Variants in GMEB2 observed in about 807,000 individuals in gnomAD.
GMEB2 encodes the protein glucocorticoid modulatory element-binding protein 2.
GMEB2 carries 7 observed loss-of-function variants against 45.7 expected under a neutral mutation model. The observed-to-expected ratio is 0.15, with a 90% CI of 0.09 to 0.29. The LOEUF is 0.29. Among genes scored for constraint, GMEB2 ranks in the 10% least tolerant of loss-of-function variants. GMEB2 has a pLI of 1.00. For missense variants in GMEB2, 582 were observed against 739.2 expected, an observed-to-expected ratio of 0.79 and a Z score of 2.47; for synonymous variants, 322 against 323.6, an observed-to-expected ratio of 1.00 and a Z score of 0.05.
At chr20:63,603,701 C>T (rs1003433608) in intron 3 of GMEB2, among the ~76,000 whole-genome samples, 1 of 151,696 alleles carries the variant, frequency 6.6e-6, no homozygotes, top group African/African-American at 2.4e-5. Flanking sequence ...GAGATCGCGC[C>T]ACCGCACTCC....
chr20:63,607,293 C>A (rs535656816), intron 2 of GMEB2, among the ~76,000 whole-genome samples: 1 of 133,848 alleles, frequency 7.5e-6, no homozygotes, highest in Non-Finnish European at 1.6e-5. Context: ...AGAAACATGC[C>A]CCTCTGACCC....
chr20:63,602,488 T>G (rs2083248949), intron 4 of GMEB2, among the ~76,000 whole-genome samples: 1 of 152,210 alleles, frequency 6.6e-6, no homozygotes, highest in South Asian at 2.1e-4. Context: ...GCCTCTCAAT[T>G]CTGTCACCAT....
Position 63,588,834 on chromosome 20 carries a change from A to G in GMEB2, c.*1255T>C. ...AGGCCTGGGCTGGCTGCTCCCTGAG[A>G]TGCCTGCCCCAGGACCCTGGCCTGG... On this transcript the variant is annotated 3_prime_UTR_variant, in exon 10 of 10. Coordinates refer to ENST00000370077, the MANE Select transcript of GMEB2 (RefSeq NM_012384.5). The G allele has an allele frequency of 2.5e-6, 1 of 398,702 alleles. No homozygotes were observed. The highest frequency in any genetic ancestry group is 4.4e-6 in the Non-Finnish European group (1 of 226,122). The allele number at this position is 398,702 out of a possible 1,614,324, so 24.7% of individuals were successfully genotyped here.
At chr20:63,607,050 G>C (rs1461839125) in intron 2 of GMEB2, among the ~76,000 whole-genome samples, 1 of 151,766 alleles carries the variant, frequency 6.6e-6, no homozygotes, top group Non-Finnish European at 1.5e-5. Context: ...TCCATTTCTA[G>C]AAACATGCCC....
In GMEB2 at chr20:63,589,252, C is replaced by G. The variant is rs1163601896; in HGVS notation, c.*837G>C. ...GGACAGGCTGCCCAGGACCTCCGCACCCGGTCAAGTGCACTCACAGGGGCT... is the reference window on the plus strand; with the variant it reads ...GGACAGGCTGCCCAGGACCTCCGCAGCCGGTCAAGTGCACTCACAGGGGCT... On this transcript the variant is annotated 3_prime_UTR_variant, in exon 10 of 10. Coordinates refer to ENST00000370077, the MANE Select transcript of GMEB2 (RefSeq NM_012384.5). 2.5e-6 allele frequency: 1 copy of G among 398,888 alleles called. No homozygotes were observed. 24.7% of individuals were successfully genotyped at this position (398,888 alleles called of 1,614,324 possible).
In GMEB2 at chr20:63,588,449, G is replaced by C. The variant is rs953622279; in HGVS notation, c.*1640C>G. 7.6e-6 allele frequency: 2 copies of C among 263,898 alleles called. No individual in the cohort carries two copies. The highest frequency in any genetic ancestry group is 1.4e-5 in the Non-Finnish European group (2 of 141,124). 16.3% of individuals were successfully genotyped at this position (263,898 alleles called of 1,614,324 possible). ...CATGCTGCAGAACTCAACTAGAGTG[G>C]AAATGAGTTTAAAACGGAGTATGTA... On this transcript the variant is annotated 3_prime_UTR_variant, in exon 10 of 10. Coordinates refer to ENST00000370077, the MANE Select transcript of GMEB2 (RefSeq NM_012384.5).
chr20:63,590,620 C>A lies in GMEB2; in HGVS notation c.1062G>T (p.Pro354=), dbSNP rs199823681. 3.1e-5 allele frequency: 49 copies of A among 1,591,576 alleles called. No homozygotes were observed. Among genetic ancestry groups the A allele is most frequent in the Non-Finnish European group, 4.2e-5 (49 of 1,167,688 alleles). Residue 354 remains proline, a synonymous_variant, in exon 10 of 10, where the codon CCG becomes CCT. Coordinates refer to ENST00000370077, the MANE Select transcript of GMEB2 (RefSeq NM_012384.5). ...LMTLTPVSLP[P]PVKRPRLARA... ...GTGCAAGCCGGGGCCGCTTCACAGGCGGTGGCAGGGAGACCGGCGTCAGCG... is the reference window on the plus strand; with the variant it reads ...GTGCAAGCCGGGGCCGCTTCACAGGAGGTGGCAGGGAGACCGGCGTCAGCG...
intron 2 of GMEB2, among the ~76,000 whole-genome samples, chr20:63,610,175 C>T (rs2089558199): frequency 6.6e-6 from 1 of 152,228 alleles, no homozygotes; most frequent in Non-Finnish European, 1.5e-5. Context: ...CACCTCATAA[C>T]AGCCAACTGT....
At chr20:63,624,341 A>G (rs1332776178) in intron 1 of GMEB2, among the ~76,000 whole-genome samples, 2 of 151,600 alleles carry the variant, frequency 1.3e-5, no homozygotes, top group Non-Finnish European at 2.9e-5. Flanking sequence ...AGGCAGGAGA[A>G]TCTCTCGAAC....
intron 1 of GMEB2, among the ~76,000 whole-genome samples, chr20:63,624,102 C>T (rs1337828948): frequency 6.8e-6 from 1 of 147,674 alleles, no homozygotes; most frequent in African/African-American, 2.5e-5. Context: ...AGAGCAAGAC[C>T]CTGTCTCAGA....
At chr20:63,607,192 C>G (rs958346239) in intron 2 of GMEB2, among the ~76,000 whole-genome samples, 1 of 134,570 alleles carries the variant, frequency 7.4e-6, no homozygotes, top group East Asian at 2.0e-4. Flanking sequence ...CAGAAACATG[C>G]CCCTCTGACC....
intron 4 of GMEB2, 103 bp from the exon 5 acceptor site, chr20:63,597,963 C>T (rs1336218615): frequency 9.6e-6 from 7 of 726,624 alleles, no homozygotes; most frequent in African/African-American, 5.2e-5. Flanking sequence ...GCAGGAAAAG[C>T]GCCACGGCAC....
In GMEB2 at chr20:63,590,806, G is replaced by A. The variant is rs371573057; in HGVS notation, c.953-77C>T. 17 of 925,282 alleles carry A rather than the reference G, an allele frequency of 1.8e-5. No homozygotes were observed. In the East Asian group the frequency reaches 2.1e-4, roughly 11 times the overall value. 57.3% of individuals were successfully genotyped at this position (925,282 alleles called of 1,614,324 possible). A position where few individuals can be genotyped will look rare whatever the true frequency, so the allele number is the denominator to read the frequency against. On this transcript the variant is annotated intron_variant, in intron 9 of 9. Coordinates refer to ENST00000370077, the MANE Select transcript of GMEB2 (RefSeq NM_012384.5). ...GCATGCAGGGGATGGGGGCAGACAC[G>A]CCACACCATCTGGGTGGCCCCTGGG...
intron 4 of GMEB2, among the ~76,000 whole-genome samples, chr20:63,601,989 CTGTGGCTTCTGTGCAGCT>C (rs1418848583): frequency 3.3e-5 from 5 of 151,772 alleles, no homozygotes; most frequent in African/African-American, 1.2e-4. Context: ...TCTGTGGGGC[CTGTGGCTTCTGTGCAGCT>C]TGTGGCTTCT....
At chr20:63,597,910 G>T in intron 4 of GMEB2, 50 bp from the exon 5 acceptor site, 3 of 1,072,074 alleles carry the variant, frequency 2.8e-6, no homozygotes, top group Non-Finnish European at 2.9e-6. Flanking sequence ...ACACCACATA[G>T]GGTGCCCCCA....
intron 4 of GMEB2, among the ~76,000 whole-genome samples, chr20:63,599,232 T>A (rs443147): frequency 6.6e-6 from 1 of 150,822 alleles, no homozygotes; most frequent in Non-Finnish European, 1.5e-5. Flanking sequence ...CGGAGCTAAC[T>A]CGGCCCGCTC....
In GMEB2 at chr20:63,592,803, C is replaced by G. The variant is rs2083160336; in HGVS notation, c.692-133G>C. On this transcript the variant is annotated intron_variant, in intron 7 of 9. Coordinates refer to ENST00000370077, the MANE Select transcript of GMEB2 (RefSeq NM_012384.5). The surrounding 1 kb of genome is among the most constrained non-coding windows in gnomAD (Gnocchi z 8.2). The stretch of plus-strand genomic sequence containing the variant: ...CGGCAGCGCCTGGCACTGTGCTGGG[C>G]TTGCACTGCCCAGACACATCCACAG... 1 of 835,068 alleles carries G rather than the reference C, an allele frequency of 1.2e-6. No homozygotes were observed. The highest frequency in any genetic ancestry group is 1.7e-5 in the African/African-American group (1 of 59,336). The allele number at this position is 835,068 out of a possible 1,614,324, so 51.7% of individuals were successfully genotyped here. A position where few individuals can be genotyped will look rare whatever the true frequency, so the allele number is the denominator to read the frequency against.
chr20:63,598,234 A>G (rs779308130), intron 4 of GMEB2, among the ~76,000 whole-genome samples: 1 of 152,134 alleles, frequency 6.6e-6, no homozygotes, highest in Admixed American at 6.6e-5. Flanking sequence ...TACATCGCAG[A>G]TGGCAACAGA....
chr20:63,605,297 C>T (rs917645744), intron 2 of GMEB2, among the ~76,000 whole-genome samples: 27 of 151,882 alleles, frequency 1.8e-4, no homozygotes. Flanking sequence ...GTTTGGGAGG[C>T]CGAGGCAGGT....
Sources: allele counts gnomAD v4.1 joint callset (sites outside exome capture counted in the v4.1 genomes callset), GRCh38; gene constraint gnomAD v4.1.1; non-coding constraint Gnocchi (gnomAD v3.1); transcripts MANE v1.5; gene names NCBI Gene and HGNC (gene_info 2026-07-23, HGNC 2026-07-21).